The following STK24 variants were observed in gnomAD, a reference collection of about 807,000 sequenced individuals.
STK24 encodes serine/threonine-protein kinase 24.
A neutral mutation model predicts 55.6 loss-of-function variants in STK24; 21 were observed. The ratio of observed to expected loss-of-function variants is 0.38; its 90% CI spans 0.27 to 0.54. The LOEUF (loss-of-function observed/expected upper bound fraction) is 0.54. STK24 is among the 20% of genes least tolerant of loss of function. The pLI, the probability that STK24 is intolerant of heterozygous loss-of-function variation, is 0.79. For missense variants in STK24, 383 were observed against 538.4 expected, an observed-to-expected ratio of 0.71 and a Z score of 2.86; for synonymous variants, 200 against 215.2, an observed-to-expected ratio of 0.93 and a Z score of 0.62.
intron 10 of STK24, 59 bp downstream of exon 10, chr13:98,457,109 A>G (rs968030095): frequency 6.3e-7 from 1 of 1,578,652 alleles, no homozygotes; most frequent in East Asian, 2.3e-5. Context: ...TCATCAACTA[A>G]GTCCCAGCCC....
intron 5 of STK24, among the ~76,000 whole-genome samples, chr13:98,471,955 G>C (rs1309127869): frequency 1.3e-5 from 2 of 152,190 alleles, no homozygotes; most frequent in African/African-American, 4.8e-5. Flanking sequence ...ATGTCTACAA[G>C]TCATGCAAGA....
At chr13:98,453,531 A>G (rs1338789576) in intron 10 of STK24, 2 of 264,560 alleles carry the variant, frequency 7.6e-6, no homozygotes, top group East Asian at 1.7e-4. Flanking sequence ...TGATCCATAC[A>G]TGATGACACA....
intron 2 of STK24, among the ~76,000 whole-genome samples, chr13:98,499,580 T>A (rs1314319864): frequency 6.6e-6 from 1 of 152,170 alleles, no homozygotes; most frequent in Non-Finnish European, 1.5e-5. Flanking sequence ...GGGTGCGTCA[T>A]CGCTTCCCTG....
At chr13:98,504,641 T>A (rs1196634018) in intron 2 of STK24, among the ~76,000 whole-genome samples, 1 of 152,016 alleles carries the variant, frequency 6.6e-6, no homozygotes, top group Admixed American at 6.5e-5. Flanking sequence ...TGTGGAGTCG[T>A]CGGTGACTAT....
At chr13:98,550,310 G>A (rs1897128055) in intron 1 of STK24, among the ~76,000 whole-genome samples, 1 of 152,174 alleles carries the variant, frequency 6.6e-6, no homozygotes, top group African/African-American at 2.4e-5. Flanking sequence ...AGGTCAAGGG[G>A]GGAAGATCGC....
intron 6 of STK24, 22 bp from the exon 7 acceptor site, chr13:98,463,858 T>G: frequency 6.2e-7 from 1 of 1,608,992 alleles, no homozygotes; most frequent in Non-Finnish European, 8.5e-7. Flanking sequence ...CACCCAACAA[T>G]TAAAGTATGA....
chr13:98,449,045 G>A lies in STK24; in HGVS notation c.*4128C>T, dbSNP rs759649711. The A allele has an allele frequency of 6.6e-5, 10 of 152,180 alleles. No homozygotes were observed. Among genetic ancestry groups the A allele is most frequent in the Non-Finnish European group, 1.3e-4 (9 of 68,050 alleles). 9.4% of individuals were successfully genotyped at this position (152,180 alleles called of 1,614,324 possible). On this transcript the variant is annotated 3_prime_UTR_variant, in exon 11 of 11. Coordinates refer to ENST00000539966, the MANE Select transcript of STK24 (RefSeq NM_001032296.4). ...AAGCCGAGATCCAGTGCAATACCTG[G>A]ACTGTCACCGTCCTGTGAGTGGTGT...
intron 1 of STK24, among the ~76,000 whole-genome samples, chr13:98,563,737 A>G (rs1185737167): frequency 1.3e-5 from 2 of 151,792 alleles, no homozygotes; most frequent in South Asian, 2.1e-4. Flanking sequence ...GCGGGTGCCT[A>G]TAGTCCCAGC....
intron 1 of STK24, among the ~76,000 whole-genome samples, chr13:98,560,775 G>A (rs1440693756): frequency 6.6e-6 from 1 of 152,018 alleles, no homozygotes; most frequent in Non-Finnish European, 1.5e-5. Flanking sequence ...CAGCCACTCA[G>A]GAGGCTGAGG....
chr13:98,529,349 C>T (rs1027805540), intron 1 of STK24, among the ~76,000 whole-genome samples: 12 of 152,198 alleles, frequency 7.9e-5, no homozygotes, highest in Non-Finnish European at 1.6e-4. Flanking sequence ...CTCCCTCCCC[C>T]ACAGCAGCAG....
rs1408269010 is a variant in STK24, at chr13:98,535,368, AAAATAT to A, written c.43-15901_43-15896del. 4.9e-3 allele frequency among the ~76,000 whole-genome samples: 241 copies of A among 48,974 alleles called. 5 individuals are homozygous for A. The highest frequency in any genetic ancestry group is 0.012 in the African/African-American group (211 of 17,478). The allele number at this position is 48,974 out of a possible 152,430, so 32.1% of individuals were successfully genotyped here. ...AACAAACAAACAAACAAACAAAAAA[AAAATAT>A]ATATATATATATATATGTGTGTATA... is the stretch of plus-strand genomic sequence containing the variant. On this transcript the variant is annotated intron_variant, in intron 1 of 10. Coordinates refer to ENST00000539966, the MANE Select transcript of STK24 (RefSeq NM_001032296.4).
intron 1 of STK24, among the ~76,000 whole-genome samples, chr13:98,541,734 T>A (rs1255399773): frequency 6.6e-6 from 1 of 152,178 alleles, no homozygotes; most frequent in Non-Finnish European, 1.5e-5. Context: ...TTGAACCAGT[T>A]TGTCTCAACA....
intron 1 of STK24, chr13:98,521,736 C>T: frequency 1.3e-6 from 1 of 773,410 alleles, no homozygotes. Context: ...CCGTTTTCAG[C>T]AGCTACTATC....
chr13:98,482,330 C>CA lies in STK24; in HGVS notation c.274-10dup, dbSNP rs763155039. ...ATCCATAATTTTGTATCCTATAAAA[C>CA]AAAAAAAAGAAGAGAATCATTTTCA... is the stretch of plus-strand genomic sequence containing the variant. On this transcript the variant is annotated splice_polypyrimidine_tract_variant and intron_variant, in intron 2 of 10. Coordinates refer to ENST00000539966, the MANE Select transcript of STK24 (RefSeq NM_001032296.4). 321 of 1,484,260 alleles carry CA rather than the reference C, an allele frequency of 2.2e-4. 3 individuals are homozygous for CA. Among genetic ancestry groups the CA allele is most frequent in the African/African-American group, 1.5e-3 (104 of 69,282 alleles). 91.9% of individuals were successfully genotyped at this position (1,484,260 alleles called of 1,614,324 possible).
intron 2 of STK24, among the ~76,000 whole-genome samples, chr13:98,518,612 C>T (rs899356439): frequency 2.0e-5 from 3 of 152,168 alleles, no homozygotes; most frequent in Admixed American, 6.5e-5. Flanking sequence ...GATTGTTCTA[C>T]GATGTCTAAA....
At chr13:98,556,965 G>A (rs575830707) in intron 1 of STK24, among the ~76,000 whole-genome samples, 1 of 152,190 alleles carries the variant, frequency 6.6e-6, no homozygotes, top group South Asian at 2.1e-4. Flanking sequence ...CTTGACTTAC[G>A]ACCAGCTGAC....
intron 2 of STK24, among the ~76,000 whole-genome samples, chr13:98,513,538 C>G (rs968398634): frequency 1.3e-5 from 2 of 152,190 alleles, no homozygotes; most frequent in African/African-American, 4.8e-5. Flanking sequence ...GCAGGAGGAA[C>G]AGAGAGGTAC....
In STK24 at chr13:98,445,335, A is replaced by G. The variant is rs1409477321; in HGVS notation, c.*7838T>C. 6.6e-6 allele frequency: 1 copy of G among 152,258 alleles called. No individual in the cohort carries two copies. The allele number at this position is 152,258 out of a possible 1,614,324, so 9.4% of individuals were successfully genotyped here. A position where few individuals can be genotyped will look rare whatever the true frequency, so the allele number is the denominator to read the frequency against. ...CTCTGCTGGTGATGTCACTTTGGCA[A>G]AGGGACGAAATGAGCCACCAGTGCG... On this transcript the variant is annotated 3_prime_UTR_variant, in exon 11 of 11. Coordinates refer to ENST00000539966, the MANE Select transcript of STK24 (RefSeq NM_001032296.4).
chr13:98,528,121 A>G (rs1296779712), intron 1 of STK24, among the ~76,000 whole-genome samples: 1 of 152,168 alleles, frequency 6.6e-6, no homozygotes, highest in Non-Finnish European at 1.5e-5. Flanking sequence ...GAGGATATGC[A>G]GGTTGGCCCA....
Sources: gnomAD v4.1 joint callset for allele counts (sites outside exome capture counted in the v4.1 genomes callset) on GRCh38, gnomAD v4.1.1 for gene constraint, MANE v1.5 for transcripts, NCBI Gene and HGNC (gene_info 2026-07-23, HGNC 2026-07-21) for gene names.